Variants in VWF observed in about 807,000 individuals in gnomAD.
VWF encodes Factor VIII related antigen.
A neutral mutation model predicts 308.6 loss-of-function variants in VWF; 176 were observed. The observed-to-expected ratio is 0.57, with a 90% CI of 0.50 to 0.65. The LOEUF is 0.65. VWF is among the 30% of genes least tolerant of loss of function. VWF has a pLI of 0.00. For synonymous variants in VWF, 1,385 were observed against 1,443.4 expected, an observed-to-expected ratio of 0.96 and a Z score of 0.92; for missense variants, 3,146 against 3,648.2, an observed-to-expected ratio of 0.86 and a Z score of 3.55.
rs177702 is a variant in VWF, at chr12:5,985,679, G to C, written c.6799-14C>G. The C allele has an allele frequency of 6.2e-7, 1 of 1,612,762 alleles. No homozygotes were observed. The highest frequency in any genetic ancestry group is 1.1e-5 in the South Asian group (1 of 91,026). On this transcript the variant is annotated splice_polypyrimidine_tract_variant and intron_variant, in intron 38 of 51. Transcript: ENST00000261405. ...GGCTTCCAGGAACTGAGGGCAAAGC[G>C]AGGTTCAGAAAGGGCACAGGACATT...
intron 40 of VWF, among the ~76,000 whole-genome samples, chr12:5,983,543 G>GATAGATAGATAGATA (rs1161712163): frequency 2.3e-3 from 319 of 141,324 alleles, no homozygotes; most frequent in East Asian, 0.011. Flanking sequence ...ATAGATAGAT[G>GATAGATAGATAGATA]GATGATAGAT....
chr12:6,122,811 A>C, intron 2 of VWF: 2 of 606,254 alleles, frequency 3.3e-6, no homozygotes, highest in Non-Finnish European at 3.2e-6. Flanking sequence ...GAGGTTCAAC[A>C]AGGTGACCTC....
chr12:5,953,545 G>A lies in VWF; in HGVS notation c.7937C>T (p.Pro2646Leu), dbSNP rs1327877879. The A allele has an allele frequency of 2.5e-6, 4 of 1,614,146 alleles. No individual in the cohort carries two copies. The highest frequency in any genetic ancestry group is 1.3e-5 in the African/African-American group (1 of 75,044). Residue 2646 changes from proline (P) to leucine (L), a missense_variant, in exon 48 of 52, where the codon CCT becomes CTT. By Grantham distance (98) the Pro-to-Leu change is moderately conservative (BLOSUM62 -3). Transcript: ENST00000261405. ...TCTTAGCTGAATGGTGCAAGCCGTA[G>A]GCAAACATCTCCCACAACATTCACC... ...NTGECCGRCL[P>L]TACTIQLRGG...
At chr12:6,123,768 G>T (rs1412752159) in intron 1 of VWF, among the ~76,000 whole-genome samples, 1 of 152,156 alleles carries the variant, frequency 6.6e-6, no homozygotes, top group Non-Finnish European at 1.5e-5. Context: ...GAGATGCCCA[G>T]CAAATGTTTG....
chr12:6,117,069 G>A (rs1945375386), intron 3 of VWF, among the ~76,000 whole-genome samples: 1 of 151,718 alleles, frequency 6.6e-6, no homozygotes, highest in African/African-American at 2.4e-5. Context: ...CCACCAACAA[G>A]AGGCAAAGCA....
At chr12:6,121,361 G>A (rs759436552) in intron 2 of VWF, 23 bp from the exon 3 acceptor site, 1 of 1,612,546 alleles carries the variant, frequency 6.2e-7, no homozygotes, top group Admixed American at 1.7e-5. Context: ...GCCACAGGTT[G>A]GGCTGGTGAT....
intron 34 of VWF, among the ~76,000 whole-genome samples, chr12:6,009,154 C>T (rs572214619): frequency 2.0e-5 from 3 of 148,472 alleles, no homozygotes; most frequent in East Asian, 4.0e-4. Flanking sequence ...AGGCAGCCTA[C>T]AGAATGGAAG....
At chr12:5,981,298 G>A (rs1943602615) in intron 42 of VWF, among the ~76,000 whole-genome samples, 2 of 152,158 alleles carry the variant, frequency 1.3e-5, no homozygotes, top group African/African-American at 2.4e-5. Flanking sequence ...TGAGGCAGAG[G>A]TGGGAGGATC....
intron 22 of VWF, among the ~76,000 whole-genome samples, chr12:6,028,421 TACTCCTC>T (rs1369007013): frequency 4.6e-5 from 7 of 152,130 alleles, no homozygotes; most frequent in Admixed American, 4.6e-4. Context: ...ACCACAAAGA[TACTCCTC>T]AAGAAGAGCA....
At chr12:6,032,112 G>A (rs749345070) in intron 20 of VWF, among the ~76,000 whole-genome samples, 5 of 152,322 alleles carry the variant, frequency 3.3e-5, no homozygotes, top group Admixed American at 1.3e-4. Context: ...TCTGGTCCTT[G>A]TTGGTCAATT....
At position 6,050,666 on chromosome 12, in the gene VWF, A is replaced by C. The variant is rs573118674; in HGVS notation, c.2186+1877T>G. ...TCCCTAGACTTCTGCTCCACCTCAA[A>C]ACAATCCTCCAGGCTGGGCGTGGTG... On this transcript the variant is annotated intron_variant, in intron 16 of 51. Transcript: ENST00000261405. 5.6e-4 allele frequency among the ~76,000 whole-genome samples: 86 copies of C among 152,264 alleles called. 1 individual carries two copies. Among genetic ancestry groups the C allele is most frequent in the African/African-American group, 2.0e-3 (83 of 41,546 alleles).
At chr12:6,006,060 G>A (rs1303243273) in intron 34 of VWF, among the ~76,000 whole-genome samples, 1 of 152,110 alleles carries the variant, frequency 6.6e-6, no homozygotes, top group African/African-American at 2.4e-5. Context: ...ATAAAAATCA[G>A]TTAATGAATA....
At chr12:6,100,046 G>GA (rs1229625215) in intron 5 of VWF, among the ~76,000 whole-genome samples, 1 of 151,678 alleles carries the variant, frequency 6.6e-6, no homozygotes, top group African/African-American at 2.4e-5. Context: ...AAATTTACAA[G>GA]AAAAAAACAA....
chr12:6,032,128 G>C (rs1296599973), intron 20 of VWF, among the ~76,000 whole-genome samples: 2 of 152,146 alleles, frequency 1.3e-5, no homozygotes, highest in Non-Finnish European at 2.9e-5. Flanking sequence ...CAATTGCATA[G>C]AAAATTAAGC....
intron 6 of VWF, among the ~76,000 whole-genome samples, chr12:6,087,685 A>G (rs1211125066): frequency 6.6e-6 from 1 of 152,020 alleles, no homozygotes. Context: ...CTTACAGTCA[A>G]GGTCACAGCA....
chr12:5,964,985 T>C (rs1457136507), intron 47 of VWF, among the ~76,000 whole-genome samples: 1 of 152,192 alleles, frequency 6.6e-6, no homozygotes, highest in African/African-American at 2.4e-5. Flanking sequence ...GCATGTCTCC[T>C]ACCCGGCAGG....
intron 14 of VWF, among the ~76,000 whole-genome samples, chr12:6,057,287 A>G (rs1038189230): frequency 2.4e-4 from 36 of 148,336 alleles, no homozygotes; most frequent in Non-Finnish European, 2.2e-4. Context: ...TAGACTGGGA[A>G]GGTCGAAGGA....
Position 6,072,453 on chromosome 12 carries a change from G to A in VWF, c.998-11C>T, listed in dbSNP as rs548606962. ...CCAGGAGCTGTCCCTCTGGGGTCAA[G>A]GGCATCAAGACAAAGGCCTCAACAT... is the stretch of plus-strand genomic sequence containing the variant. On this transcript the variant is annotated splice_polypyrimidine_tract_variant and intron_variant, in intron 8 of 51. Transcript: ENST00000261405. The A allele has an allele frequency of 4.8e-5, 78 of 1,611,042 alleles. No individual in the cohort carries two copies. The highest frequency in any genetic ancestry group is 1.7e-4 in the Middle Eastern group (1 of 6,056).
At chr12:5,962,126 A>C (rs966583551) in intron 47 of VWF, among the ~76,000 whole-genome samples, 2 of 152,190 alleles carry the variant, frequency 1.3e-5, no homozygotes, top group Non-Finnish European at 2.9e-5. Flanking sequence ...TGAAAAAATT[A>C]ATTTCTGTTC....
Sources: allele counts gnomAD v4.1 joint callset (sites outside exome capture counted in the v4.1 genomes callset), GRCh38; gene constraint gnomAD v4.1.1; transcripts MANE v1.5; gene names NCBI Gene and HGNC (gene_info 2026-07-23, HGNC 2026-07-21).